Variants in MIB2 observed in about 807,000 individuals in gnomAD.
MIB2 encodes E3 ubiquitin-protein ligase MIB2.
A neutral mutation model predicts 96.6 loss-of-function variants in MIB2; 78 were observed. The observed-to-expected ratio is 0.81, with a 90% CI of 0.67 to 0.97. MIB2 has a LOEUF of 0.97. Among genes scored for constraint, MIB2 ranks in the 50% least tolerant of loss-of-function variants. The pLI is 0.00. For synonymous variants in MIB2, 820 were observed against 629.5 expected, an observed-to-expected ratio of 1.30 and a Z score of -4.53; for missense variants, 1,543 against 1,424.0, an observed-to-expected ratio of 1.08 and a Z score of -1.35.
rs1242445644 is a variant in MIB2 at position 1,629,437 on chromosome 1, A to T, written c.2434A>T (p.Thr812Ser). Residue 812 changes from threonine (T) to serine (S), a missense_variant, in exon 18 of 20, where the codon ACC becomes TCC. Physicochemically the swap from Thr to Ser is moderately conservative, Grantham distance 58 (BLOSUM62 1). Coordinates refer to ENST00000355826, the MANE Select transcript of MIB2 (RefSeq NM_001170687.4). ...CCCGGGCCCCAGGCAAACGCTCGGG[A>T]CCCCCAACACCGTGACGAACCTGCA... is the stretch of plus-strand genomic sequence containing the variant. ...AAPGPRQTLG[T>S]PNTVTNLHVG... The T allele has an allele frequency of 7.0e-7, 1 of 1,427,896 alleles. No individual in the cohort carries two copies. Among genetic ancestry groups the T allele is most frequent in the East Asian group, 3.2e-5 (1 of 31,064 alleles). 88.5% of individuals were successfully genotyped at this position (1,427,896 alleles called of 1,614,324 possible).
chr1:1,622,657 AGGACCCC>A (rs1644363627), intron 2 of MIB2, among the ~76,000 whole-genome samples: 1 of 152,214 alleles, frequency 6.6e-6, no homozygotes, highest in African/African-American at 2.4e-5. Context: ...GCCCCGCTTC[AGGACCCC>A]GTGGCCACTG....
chr1:1,625,180 G>A lies in MIB2; in HGVS notation c.716G>A (p.Arg239Lys). 3.1e-6 allele frequency: 5 copies of A among 1,610,078 alleles called. No homozygotes were observed. Among genetic ancestry groups the A allele is most frequent in the Non-Finnish European group, 8.5e-7 (1 of 1,178,382 alleles). The change falls in exon 6 of 20, where the codon AGG becomes AAG. Residue 239 changes from arginine to lysine, a missense_variant. Arg to Lys is a conservative substitution (Grantham distance 26). Transcript: ENST00000355826. This position sits in a 1 kb window ranked among gnomAD's most constrained non-coding sequence, Gnocchi z 5.0. Reference sequence around the variant, plus strand: ...TTCTACTACAAGGACCACCTCCCAAGGCTCGGTATGAGGCTGTCACACTGA... The same window carrying A: ...TTCTACTACAAGGACCACCTCCCAAAGCTCGGTATGAGGCTGTCACACTGA... Reference protein sequence around the residue: ...GGFYYKDHLPRLGKPAELQRR... With the variant: ...GGFYYKDHLPKLGKPAELQRR...
chr1:1,621,146 A>G (rs1229036295), intron 2 of MIB2, among the ~76,000 whole-genome samples: 1 of 152,256 alleles, frequency 6.6e-6, no homozygotes, highest in Non-Finnish European at 1.5e-5. Context: ...CTGGCCAAAC[A>G]GGACGCAGCA....
intron 3 of MIB2, 35 bp from the exon 4 acceptor site, chr1:1,623,739 G>A (rs536865343): frequency 1.4e-5 from 21 of 1,541,794 alleles, no homozygotes; most frequent in Middle Eastern, 1.7e-4. Flanking sequence ...GGACCCGGGG[G>A]CGGGAACGCC....
chr1:1,616,980 A>C (rs1022799045), intron 2 of MIB2: 3 of 243,172 alleles, frequency 1.2e-5, no homozygotes, highest in African/African-American at 4.7e-5. Flanking sequence ...CTGGGCGGTG[A>C]GTGGGATGAC....
At chr1:1,624,086 G>C in intron 4 of MIB2, 141 bp downstream of exon 4, 2 of 1,070,798 alleles carry the variant, frequency 1.9e-6, no homozygotes, top group Non-Finnish European at 2.6e-6. Context: ...GCCTTAAGCA[G>C]TGGTGCCATG....
At chr1:1,620,623 GCGT>G (rs1463270360) in intron 2 of MIB2, among the ~76,000 whole-genome samples, 2 of 152,276 alleles carry the variant, frequency 1.3e-5, no homozygotes, top group African/African-American at 4.8e-5. Flanking sequence ...GCAGACTGCT[GCGT>G]CGGCCTCCCC....
In MIB2 at chr1:1,623,539, C is replaced by T. The variant is rs752995774; in HGVS notation, c.87C>T (p.Gly29=). 27 of 1,536,780 alleles carry T rather than the reference C, an allele frequency of 1.8e-5. No homozygotes were observed. Among genetic ancestry groups the T allele is most frequent in the East Asian group, 1.2e-4 (5 of 41,076 alleles). The part of the protein sequence containing the change: ...VDWKWGQQDG[G]EGGVGTVVEL... The stretch of plus-strand genomic sequence containing the variant: ...GGAAGTGGGGCCAGCAGGACGGCGG[C>T]GAGGGCGGCGTGGGCACGGTGGTGG... Residue 29 remains glycine, a synonymous_variant, in exon 3 of 20, where the codon GGC becomes GGT. Coordinates refer to ENST00000355826, the MANE Select transcript of MIB2 (RefSeq NM_001170687.4).
chr1:1,623,621 G>T lies in MIB2; in HGVS notation c.169G>T (p.Asp57Tyr). 1 of 1,488,786 alleles carries T rather than the reference G, an allele frequency of 6.7e-7. No homozygotes were observed. The highest frequency in any genetic ancestry group is 8.9e-7 in the Non-Finnish European group (1 of 1,117,674). 92.2% of individuals were successfully genotyped at this position (1,488,786 alleles called of 1,614,324 possible). The change falls in exon 3 of 20, where the codon GAC becomes TAC. Residue 57 changes from aspartate (D) to tyrosine (Y), a missense_variant. By Grantham distance (160) the Asp-to-Tyr change is radical (BLOSUM62 -3). Coordinates refer to ENST00000355826, the MANE Select transcript of MIB2 (RefSeq NM_001170687.4). ...TPDRTVVVQWDQGTRTNYRAG... is the reference protein window; with the variant it reads ...TPDRTVVVQWYQGTRTNYRAG... ...CGACCGCACAGTGGTCGTGCAGTGG[G>T]ACCAGGGCACGCGCACCAACTACCG...
chr1:1,629,999 G>C (rs1189270369), intron 19 of MIB2, among the ~76,000 whole-genome samples: 1 of 102,608 alleles, frequency 9.7e-6, no homozygotes, highest in South Asian at 3.1e-4. Flanking sequence ...CCCCACCCCA[G>C]ATCACAGCCC....
At chr1:1,615,077 G>C (rs1181351761), upstream of MIB2, 4 of 238,422 alleles carry the variant, frequency 1.7e-5, no homozygotes, top group East Asian at 4.1e-4. Context: ...TCAGAAACGC[G>C]GAGACTTCTC....
At chr1:1,624,073 G>A (rs903286591) in intron 4 of MIB2, 128 bp downstream of exon 4, 59 of 1,208,384 alleles carry the variant, frequency 4.9e-5, no homozygotes, top group African/African-American at 2.8e-4. Context: ...CTCCAGAGCC[G>A]TGGCCTTAAG....
chr1:1,627,972 C>T (rs1179303405), intron 13 of MIB2, 47 bp from the exon 14 acceptor site: 2 of 1,609,192 alleles, frequency 1.2e-6, no homozygotes, highest in African/African-American at 1.3e-5. Context: ...TGGCTCTTGA[C>T]CCAAGCAGAA....
rs576473327 is a variant in MIB2 at position 1,615,515 on chromosome 1, C to G, written c.-248C>G. The G allele has an allele frequency of 1.3e-6, 2 of 1,530,436 alleles. No homozygotes were observed. The highest frequency in any genetic ancestry group is 2.8e-5 in the African/African-American group (2 of 71,802). 94.8% of individuals were successfully genotyped at this position (1,530,436 alleles called of 1,614,324 possible). ...CTGGGCTCCCGCCCTTCGGGTCCCA[C>G]AGTTTCCAGCCGCCGCTCTCCTCAG... On this transcript the variant is annotated 5_prime_UTR_variant, in exon 1 of 20. Transcript: ENST00000355826.
intron 2 of MIB2, 26 bp downstream of exon 2, chr1:1,616,640 G>C: frequency 1.3e-6 from 2 of 1,547,146 alleles, no homozygotes; most frequent in Non-Finnish European, 1.7e-6. Context: ...TCCGCGGCCT[G>C]ATAGTTTGCA....
chr1:1,629,220 A>G lies in MIB2; in HGVS notation c.2290A>G (p.Ser764Gly), dbSNP rs1456724137. 12 of 1,540,656 alleles carry G rather than the reference A, an allele frequency of 7.8e-6. No individual in the cohort carries two copies. Among genetic ancestry groups the G allele is most frequent in the African/African-American group, 1.4e-5 (1 of 70,118 alleles). Residue 764 changes from serine (S) to glycine (G), a missense_variant, in exon 17 of 20, where the codon AGC becomes GGC. Coordinates refer to ENST00000355826, the MANE Select transcript of MIB2 (RefSeq NM_001170687.4). ...CCTGGCGCTGGAGGGCGCCGACGTGAGCTACACCAACCACCGCGGTCGGAG... is the reference window on the plus strand; with the variant it reads ...CCTGGCGCTGGAGGGCGCCGACGTGGGCTACACCAACCACCGCGGTCGGAG... ...CFLALEGADV[S>G]YTNHRGRSPL...
rs373427476 is a variant in MIB2 at position 1,628,048 on chromosome 1, C to A, written c.1710C>A (p.Ser570=). Residue 570 remains serine (S), a synonymous_variant, in exon 14 of 20, where the codon TCC becomes TCA. Coordinates refer to ENST00000355826, the MANE Select transcript of MIB2 (RefSeq NM_001170687.4). ...PDAHSDTPLH[S]AISAGTGASG... is the part of the protein sequence containing the mutation. ...CCCACTCGGACACGCCCCTGCACTC[C>A]GCCATCTCGGCGGGCACTGGAGCCA... The A allele has an allele frequency of 6.2e-7, 1 of 1,613,048 alleles. No individual in the cohort carries two copies. Among genetic ancestry groups the A allele is most frequent in the African/African-American group, 1.3e-5 (1 of 74,944 alleles).
chr1:1,622,895 G>A (rs1644386095), intron 2 of MIB2, among the ~76,000 whole-genome samples: 1 of 152,178 alleles, frequency 6.6e-6, no homozygotes, highest in South Asian at 2.1e-4. Flanking sequence ...TACGGCGCCT[G>A]CATCGTGTTT....
chr1:1,619,958 C>T (rs2100365005), intron 2 of MIB2, among the ~76,000 whole-genome samples: 1 of 152,346 alleles, frequency 6.6e-6, no homozygotes, highest in African/African-American at 2.4e-5. Context: ...GCACAGGCTA[C>T]CCTGTCTCAG....
Sources: gnomAD v4.1 joint callset for allele counts (sites outside exome capture counted in the v4.1 genomes callset) on GRCh38, gnomAD v4.1.1 for gene constraint, Gnocchi (gnomAD v3.1) non-coding constraint, MANE v1.5 for transcripts, NCBI Gene and HGNC (gene_info 2026-07-23, HGNC 2026-07-21) for gene names.